The following ZNF521 variants were observed in gnomAD, a reference collection of about 807,000 sequenced individuals.
The protein encoded by ZNF521 is LYST-interacting protein 3.
In ZNF521, 14 loss-of-function variants were observed where a neutral mutation model predicts 105.5. The observed-to-expected ratio is 0.13, with a 90% CI of 0.09 to 0.21. The LOEUF (loss-of-function observed/expected upper bound fraction) is 0.21, where lower values mean the gene tolerates loss of function less well. Ranked by LOEUF, ZNF521 falls within the 10% of genes least tolerant of loss-of-function variation. The pLI is 1.00. For missense variants in ZNF521, 1,233 were observed against 1,629.7 expected (o/e 0.76, Z 4.19); for synonymous variants, 635 against 606.0 (o/e 1.05, Z -0.70).
chr18:25,164,194 T>A (rs2035298166), intron 5 of ZNF521, among the ~76,000 whole-genome samples: 1 of 152,284 alleles, frequency 6.6e-6, no homozygotes, highest in South Asian at 2.1e-4. Flanking sequence ...AAATAAAGTA[T>A]GCTGGTTAAC....
rs556202628 is a variant in ZNF521 at position 25,165,547 on chromosome 18, C to G, written c.3658+29613G>C. Reference sequence around the variant, plus strand: ...CAGAGACCTCAGAGCACATGCATGACTTTTGATGCTTGCTTGATACAGTGG... The same window carrying G: ...CAGAGACCTCAGAGCACATGCATGAGTTTTGATGCTTGCTTGATACAGTGG... On this transcript the variant is annotated intron_variant, in intron 5 of 7. Transcript: ENST00000361524. Among the ~76,000 whole-genome samples, 3 of 152,338 alleles carry G rather than the reference C, an allele frequency of 2.0e-5. No homozygotes were observed. The South Asian group carries it at 6.2e-4, about 32-fold the overall frequency.
Position 25,186,159 on chromosome 18 carries a change from G to A in ZNF521, c.3658+9001C>T, listed in dbSNP as rs543185653. Among the ~76,000 whole-genome samples, 63 of 152,304 alleles carry A rather than the reference G, an allele frequency of 4.1e-4. 1 individual carries two copies. Among genetic ancestry groups the A allele is most frequent in the Middle Eastern group, 6.8e-3 (2 of 294 alleles). On this transcript the variant is annotated intron_variant, in intron 5 of 7. Transcript: ENST00000361524. The stretch of plus-strand genomic sequence containing the variant: ...AGGCAATGTGTTATGGGGAAAAAAA[G>A]AGATTCTCTCCTCACCAAGGATCAC...
At chr18:25,131,836 G>C (rs2034647021) in intron 5 of ZNF521, among the ~76,000 whole-genome samples, 1 of 152,122 alleles carries the variant, frequency 6.6e-6, no homozygotes, top group Non-Finnish European at 1.5e-5. Flanking sequence ...TTATACACCA[G>C]AGGATTATTC....
At chr18:25,064,962 T>G (rs1032154213) in intron 7 of ZNF521, among the ~76,000 whole-genome samples, 1 of 152,214 alleles carries the variant, frequency 6.6e-6, no homozygotes, top group African/African-American at 2.4e-5. Flanking sequence ...TATTGATTTT[T>G]AATACTTCTG....
At chr18:25,311,024 T>G (rs187937368) in intron 3 of ZNF521, among the ~76,000 whole-genome samples, 30 of 152,270 alleles carry the variant, frequency 2.0e-4, no homozygotes, top group Admixed American at 1.0e-3. Context: ...TCAGAGTTTG[T>G]GGAATAATCA....
At chr18:25,263,000 T>C (rs1478831975) in intron 3 of ZNF521, among the ~76,000 whole-genome samples, 1 of 152,236 alleles carries the variant, frequency 6.6e-6, no homozygotes, top group Non-Finnish European at 1.5e-5. Context: ...CACAGAGTAC[T>C]AGAAACGGCC....
At chr18:25,075,459 C>T (rs1178608349) in intron 7 of ZNF521, among the ~76,000 whole-genome samples, 1 of 152,208 alleles carries the variant, frequency 6.6e-6, no homozygotes, top group Non-Finnish European at 1.5e-5. Context: ...ACTTCTGTCA[C>T]AAGTCCTGTT....
At chr18:25,284,701 A>T (rs966769883) in intron 3 of ZNF521, among the ~76,000 whole-genome samples, 1 of 152,210 alleles carries the variant, frequency 6.6e-6, no homozygotes, top group Non-Finnish European at 1.5e-5. Context: ...ATAAAAGAAA[A>T]GCACCATAAA....
At chr18:25,301,306 G>A (rs1445194665) in intron 3 of ZNF521, among the ~76,000 whole-genome samples, 1 of 152,298 alleles carries the variant, frequency 6.6e-6, no homozygotes, top group East Asian at 1.9e-4. Context: ...TGAGCCTCCT[G>A]CCCTCTGTAC....
At chr18:25,351,782 G>A (rs1914792300) in intron 1 of ZNF521, 1 of 163,138 alleles carries the variant, frequency 6.1e-6, no homozygotes, top group Non-Finnish European at 1.3e-5. Flanking sequence ...CAGGGGGTGT[G>A]CGGGGCCCGG....
intron 5 of ZNF521, among the ~76,000 whole-genome samples, chr18:25,153,997 G>A (rs2035097583): frequency 6.6e-6 from 1 of 152,174 alleles, no homozygotes; most frequent in East Asian, 1.9e-4. Flanking sequence ...CAGAAACAAT[G>A]ACAAGATTAA....
intron 5 of ZNF521, among the ~76,000 whole-genome samples, chr18:25,171,592 G>A (rs2035450048): frequency 6.6e-6 from 1 of 152,096 alleles, no homozygotes. Context: ...GATGGTTACA[G>A]GTTATTGGCT....
At chr18:25,346,385 T>G (rs1180443741) in intron 2 of ZNF521, among the ~76,000 whole-genome samples, 1 of 152,144 alleles carries the variant, frequency 6.6e-6, no homozygotes, top group African/African-American at 2.4e-5. Flanking sequence ...CAGAGTTTAA[T>G]GTTTCTATTA....
intron 5 of ZNF521, among the ~76,000 whole-genome samples, chr18:25,154,768 C>T (rs914297284): frequency 1.2e-4 from 19 of 152,134 alleles, no homozygotes; most frequent in Admixed American, 1.1e-3. Context: ...CACACCTTCT[C>T]TTTAAAAATA....
intron 3 of ZNF521, among the ~76,000 whole-genome samples, chr18:25,243,423 C>T (rs1248196162): frequency 6.6e-6 from 1 of 152,164 alleles, no homozygotes; most frequent in Non-Finnish European, 1.5e-5. Context: ...TGCCACAAAA[C>T]TTTCTCTCTG....
At chr18:25,082,031 A>G (rs1404778504) in intron 7 of ZNF521, among the ~76,000 whole-genome samples, 1 of 152,228 alleles carries the variant, frequency 6.6e-6, no homozygotes, top group East Asian at 1.9e-4. Flanking sequence ...CAATAAATCA[A>G]TGCAAATGAT....
At chr18:25,151,592 G>C (rs1444096530) in intron 5 of ZNF521, among the ~76,000 whole-genome samples, 6 of 152,174 alleles carry the variant, frequency 3.9e-5, no homozygotes. Context: ...TGTTCAGCTA[G>C]TAGTCTGGAC....
intron 5 of ZNF521, among the ~76,000 whole-genome samples, chr18:25,133,734 T>C (rs1378493493): frequency 6.6e-6 from 1 of 152,160 alleles, no homozygotes; most frequent in Non-Finnish European, 1.5e-5. Context: ...ATTAACCACA[T>C]TATTTTGAGT....
rs755780648 is a variant in ZNF521 at position 25,351,990 on chromosome 18, C to T, written c.-2+15G>A. The T allele has an allele frequency of 5.5e-4, 242 of 441,024 alleles. 3 individuals are homozygous for T. Among genetic ancestry groups the T allele is most frequent in the South Asian group, 3.4e-3 (205 of 61,120 alleles). 27.3% of individuals were successfully genotyped at this position (441,024 alleles called of 1,614,324 possible). A position where few individuals can be genotyped will look rare whatever the true frequency, so the allele number is the denominator to read the frequency against. On this transcript the variant is annotated intron_variant, in intron 1 of 7. Transcript: ENST00000361524. Reference sequence around the variant, plus strand: ...GGAGAAGGAGTGTGCTGTGTGCTCCCTCCTCATCACAAACCTGCAAGGTCT... The same window carrying T: ...GGAGAAGGAGTGTGCTGTGTGCTCCTTCCTCATCACAAACCTGCAAGGTCT...
Sources: allele counts gnomAD v4.1 joint callset (sites outside exome capture counted in the v4.1 genomes callset), GRCh38; gene constraint gnomAD v4.1.1; transcripts MANE v1.5; gene names NCBI Gene and HGNC (gene_info 2026-07-23, HGNC 2026-07-21).